DGUOK: variants seen among roughly 807,000 people sequenced by gnomAD.
DGUOK encodes the protein deoxyguanosine kinase, mitochondrial.
In DGUOK, 30 loss-of-function variants were observed where a neutral mutation model predicts 36.6. That is an observed-to-expected ratio of 0.82 (90% confidence interval 0.61 to 1.11). DGUOK has a LOEUF of 1.11. Among genes scored for constraint, DGUOK ranks in the 50% most tolerant of loss-of-function variants. DGUOK has a pLI of 0.00. For missense variants in DGUOK, 361 were observed against 336.4 expected, an observed-to-expected ratio of 1.07 and a Z score of -0.57; for synonymous variants, 145 against 126.3, an observed-to-expected ratio of 1.15 and a Z score of -0.99.
chr2:73,950,795 C>G (rs1249345570), intron 4 of DGUOK, 63 bp downstream of exon 4: 1 of 1,602,374 alleles, frequency 6.2e-7, no homozygotes, highest in East Asian at 2.2e-5. Flanking sequence ...TGACATTCTC[C>G]AAGCCCCTGA....
intron 1 of DGUOK, among the ~76,000 whole-genome samples, chr2:73,931,032 G>A (rs564775056): frequency 3.9e-5 from 6 of 152,018 alleles, no homozygotes; most frequent in East Asian, 3.9e-4. Flanking sequence ...TCCTGACCTC[G>A]TGATCCGCCA....
At chr2:73,935,833 C>G (rs981447116) in intron 1 of DGUOK, among the ~76,000 whole-genome samples, 1 of 152,114 alleles carries the variant, frequency 6.6e-6, no homozygotes, top group African/African-American at 2.4e-5. Flanking sequence ...GTTATTGTTC[C>G]AGTCATTGGA....
intron 1 of DGUOK, among the ~76,000 whole-genome samples, chr2:73,936,944 A>G (rs899117193): frequency 2.6e-5 from 4 of 152,150 alleles, no homozygotes; most frequent in African/African-American, 9.7e-5. Context: ...TCTAAACAGA[A>G]CCTTGAGGAT....
In DGUOK at chr2:73,926,927, T is replaced by A. The variant is rs372855715; in HGVS notation, c.17T>A (p.Leu6His). The A allele has an allele frequency of 3.8e-5, 61 of 1,613,378 alleles. 1 individual carries two copies. The East Asian group carries it at 6.9e-4, about 18-fold the overall frequency. Residue 6 changes from leucine (L) to histidine (H), a missense_variant, in exon 1 of 7, where the codon CTC becomes CAC. Coordinates refer to ENST00000264093, the MANE Select transcript of DGUOK (RefSeq NM_080916.3). The stretch of plus-strand genomic sequence containing the variant: ...GTGGGTGGGATGGCCGCGGGCCGCC[T>A]CTTTCTAAGTCGGCTTCGAGCACCC... The part of the protein sequence containing the change: MAAGR[L>H]FLSRLRAPFS...
intron 1 of DGUOK, among the ~76,000 whole-genome samples, chr2:73,931,985 G>A (rs112217374): frequency 0.011 from 1,738 of 152,258 alleles, 23 homozygotes; most frequent in Middle Eastern, 0.034. Flanking sequence ...TGGGAATAAA[G>A]GAAGAGGCGG....
chr2:73,957,746 T>G (rs542332723), intron 5 of DGUOK, among the ~76,000 whole-genome samples: 1 of 152,350 alleles, frequency 6.6e-6, no homozygotes, highest in Admixed American at 6.5e-5. Flanking sequence ...CAGCTTTTTC[T>G]TTGTTTCTTA....
At position 73,958,027 on chromosome 2, in the gene DGUOK, C is replaced by A. The variant is rs532477367; in HGVS notation, c.708-119C>A. The A allele has an allele frequency of 4.4e-5, 35 of 791,158 alleles. 1 individual carries two copies. The South Asian group carries it at 5.1e-4, about 11-fold the overall frequency. The allele number at this position is 791,158 out of a possible 1,614,324, so 49.0% of individuals were successfully genotyped here. A position where few individuals can be genotyped will look rare whatever the true frequency, so the allele number is the denominator to read the frequency against. On this transcript the variant is annotated intron_variant, in intron 5 of 6. Transcript: ENST00000264093. ...TTTAAATGCAGTTTACATGCAGTTT[C>A]TTTGAAAAGTCATGTTGAATTTAGA...
In DGUOK at chr2:73,932,455, G is replaced by A. The variant is rs951310834; in HGVS notation, c.142+5403G>A. ...TTTGTATTGCTGACACCTAACCCCCGCCTTGACCCAGTGTACTCAGTACTG... is the reference window on the plus strand; with the variant it reads ...TTTGTATTGCTGACACCTAACCCCCACCTTGACCCAGTGTACTCAGTACTG... On this transcript the variant is annotated intron_variant, in intron 1 of 6. Transcript: ENST00000264093. 2.0e-5 allele frequency: 7 copies of A among 354,410 alleles called. No homozygotes were observed. In the East Asian group the frequency reaches 3.7e-4, roughly 19 times the overall value. 22.0% of individuals were successfully genotyped at this position (354,410 alleles called of 1,614,324 possible). A position where few individuals can be genotyped will look rare whatever the true frequency, so the allele number is the denominator to read the frequency against.
At chr2:73,952,948 G>T (rs1682803605) in intron 4 of DGUOK, among the ~76,000 whole-genome samples, 2 of 152,150 alleles carry the variant, frequency 1.3e-5, no homozygotes, top group Non-Finnish European at 2.9e-5. Flanking sequence ...AAATTGGGCA[G>T]CCTTAACTTC....
chr2:73,933,608 CT>C (rs145148044), intron 1 of DGUOK, among the ~76,000 whole-genome samples: 21 of 146,380 alleles, frequency 1.4e-4, no homozygotes, highest in Admixed American at 4.1e-4. Flanking sequence ...AATTTTTTGC[CT>C]TTTTTTTTTC....
At chr2:73,948,013 T>C (rs572496423) in intron 3 of DGUOK, 5 of 152,320 alleles carry the variant, frequency 3.3e-5, no homozygotes, top group African/African-American at 9.6e-5. Flanking sequence ...ATGGAAGATA[T>C]GTAAAACAAA....
At chr2:73,943,548 A>G (rs1377444170) in intron 2 of DGUOK, among the ~76,000 whole-genome samples, 1 of 152,016 alleles carries the variant, frequency 6.6e-6, no homozygotes. Context: ...GAAATGATCT[A>G]TTCCTTGAAG....
In DGUOK at chr2:73,938,159, C is replaced by T. The variant is rs767072765; in HGVS notation, c.143-751C>T. Among the ~76,000 whole-genome samples the T allele has an allele frequency of 2.0e-5, 3 of 152,164 alleles. No individual in the cohort carries two copies. In the East Asian group the frequency reaches 5.8e-4, roughly 29 times the overall value. ...CATACTGTATGGCTTCTTCTAGGGCCTCAAACTTCTGTATTGTTGTGTGTC... is the reference window on the plus strand; with the variant it reads ...CATACTGTATGGCTTCTTCTAGGGCTTCAAACTTCTGTATTGTTGTGTGTC... On this transcript the variant is annotated intron_variant, in intron 1 of 6. Transcript: ENST00000264093.
rs150678946 is a variant in DGUOK at position 73,946,816 on chromosome 2, G to T, written c.353G>T (p.Arg118Leu). ...TTCCAGACATTTTCCTTTTTGAGCC[G>T]CCTGAAAGTACAGCTGGAGCCCTTC... ...YTFQTFSFLSRLKVQLEPFPE... is the reference protein window; with the variant it reads ...YTFQTFSFLSLLKVQLEPFPE... The change falls in exon 3 of 7, where the codon CGC becomes CTC. Residue 118 changes from arginine to leucine, a missense_variant. Arg to Leu is a moderately radical substitution (Grantham distance 102, BLOSUM62 -2). Coordinates refer to ENST00000264093, the MANE Select transcript of DGUOK (RefSeq NM_080916.3). The T allele has an allele frequency of 1.2e-6, 2 of 1,613,822 alleles. No homozygotes were observed. Among genetic ancestry groups the T allele is most frequent in the African/African-American group, 2.7e-5 (2 of 74,862 alleles).
At chr2:73,941,419 C>A (rs1681894832) in intron 2 of DGUOK, among the ~76,000 whole-genome samples, 1 of 152,172 alleles carries the variant, frequency 6.6e-6, no homozygotes, top group Non-Finnish European at 1.5e-5. Flanking sequence ...AACTAATCAT[C>A]CTGTAATCCC....
intron 2 of DGUOK, among the ~76,000 whole-genome samples, chr2:73,943,742 C>A (rs945010388): frequency 3.9e-5 from 6 of 151,944 alleles, no homozygotes; most frequent in Non-Finnish European, 7.4e-5. Flanking sequence ...CTCCGCCTCC[C>A]AGGTTCAAGC....
chr2:73,931,993 C>A (rs997749639), intron 1 of DGUOK, among the ~76,000 whole-genome samples: 1 of 151,930 alleles, frequency 6.6e-6, no homozygotes, highest in African/African-American at 2.4e-5. Context: ...AAGGAAGAGG[C>A]GGTCTGGGGA....
At position 73,950,647 on chromosome 2, in the gene DGUOK, A is replaced by G. The variant is rs1365792608; in HGVS notation, c.506A>G (p.Tyr169Cys). Reference sequence around the variant, plus strand: ...CTCAGTGACATCGAGTGGCATATCTATCAGGACTGGCATTCTTTTCTCCTG... The same window carrying G: ...CTCAGTGACATCGAGTGGCATATCTGTCAGGACTGGCATTCTTTTCTCCTG... ...GSLSDIEWHI[Y>C]QDWHSFLLWE... Residue 169 changes from tyrosine (Y) to cysteine (C), a missense_variant, in exon 4 of 7, where the codon TAT becomes TGT. Coordinates refer to ENST00000264093, the MANE Select transcript of DGUOK (RefSeq NM_080916.3). The G allele has an allele frequency of 3.1e-6, 5 of 1,614,052 alleles. No homozygotes were observed. Among genetic ancestry groups the G allele is most frequent in the South Asian group, 2.2e-5 (2 of 91,092 alleles).
chr2:73,939,984 C>T (rs1573530191), intron 2 of DGUOK, among the ~76,000 whole-genome samples: 1 of 149,928 alleles, frequency 6.7e-6, no homozygotes, highest in Non-Finnish European at 1.5e-5. Context: ...CCACTGTAAC[C>T]TCCAACTCCT....
Sources: allele counts gnomAD v4.1 joint callset (sites outside exome capture counted in the v4.1 genomes callset), GRCh38; gene constraint gnomAD v4.1.1; transcripts MANE v1.5; gene names NCBI Gene and HGNC (gene_info 2026-07-23, HGNC 2026-07-21).